Variants in KIAA1614 observed in about 807,000 individuals in gnomAD.
The protein encoded by KIAA1614 is KIAA1614.
KIAA1614 carries 76 observed loss-of-function variants against 88.7 expected under a neutral mutation model. That is an observed-to-expected ratio of 0.86 (90% CI 0.71 to 1.04). The LOEUF is 1.04. KIAA1614 is among the 50% of genes least tolerant of loss of function. The pLI is 0.00. For missense variants in KIAA1614, 1,553 were observed against 1,582.5 expected (o/e 0.98, Z 0.32); for synonymous variants, 714 against 675.5 (o/e 1.06, Z -0.88).
In KIAA1614 at chr1:180,919,912, G is replaced by A. The variant is rs1426536335; in HGVS notation, c.1061+1998G>A. Among the ~76,000 whole-genome samples the A allele has an allele frequency of 2.6e-5, 4 of 152,308 alleles. No homozygotes were observed. The East Asian group carries it at 7.7e-4, about 29-fold the overall frequency. On this transcript the variant is annotated intron_variant, in intron 3 of 8. Transcript: ENST00000367588. The stretch of plus-strand genomic sequence containing the variant: ...CGTACCTGTGTACTGTATGGTGTGT[G>A]CCTGGGTGTGTGGAGAGAGAGAGAA...
intron 4 of KIAA1614, among the ~76,000 whole-genome samples, chr1:180,930,339 A>T (rs192368565): frequency 1.1e-3 from 161 of 152,212 alleles, no homozygotes; most frequent in African/African-American, 3.7e-3. Flanking sequence ...GAATCACTTG[A>T]ACCCGGGAGG....
In KIAA1614 at chr1:180,941,051, A is replaced by C; in HGVS notation, c.2925A>C (p.Ser975=). ...GSGGHVLSRA[S]AGAGTGPGSP... is the part of the protein sequence containing the mutation. Reference sequence around the variant, plus strand: ...CTCCACCCTTGTGTTTCAGAGCATCAGCAGGAGCTGGCACAGGACCCGGCT... The same window carrying C: ...CTCCACCCTTGTGTTTCAGAGCATCCGCAGGAGCTGGCACAGGACCCGGCT... Residue 975 remains serine (S), a synonymous_variant, in exon 7 of 9, where the codon TCA becomes TCC. Coordinates refer to ENST00000367588, the MANE Select transcript of KIAA1614 (RefSeq NM_020950.2). 1 of 1,532,750 alleles carries C rather than the reference A, an allele frequency of 6.5e-7. No individual in the cohort carries two copies. Among genetic ancestry groups the C allele is most frequent in the Non-Finnish European group, 8.8e-7 (1 of 1,138,870 alleles). 94.9% of individuals were successfully genotyped at this position (1,532,750 alleles called of 1,614,324 possible).
At chr1:180,936,764 GTCATTCCCTTTT>G in intron 5 of KIAA1614, 94 bp downstream of exon 5, 2 of 800,682 alleles carry the variant, frequency 2.5e-6, no homozygotes, top group Non-Finnish European at 1.9e-6. Context: ...GGCCTTCAGA[GTCATTCCCTTTT>G]ATCTCAATAG....
At position 180,935,288 on chromosome 1, in the gene KIAA1614, C is replaced by A; in HGVS notation, c.1379C>A (p.Ala460Asp). The change falls in exon 5 of 9, where the codon GCC (alanine) becomes GAC (aspartate). Residue 460 changes from alanine to aspartate, a missense_variant. By Grantham distance (126) the Ala-to-Asp change is moderately radical. Transcript: ENST00000367588. The surrounding 1 kb of genome is among the most constrained non-coding windows in gnomAD (Gnocchi z 6.1). The stretch of plus-strand genomic sequence containing the variant: ...TTTGAGGATGAGTCCGCCCGCGAAG[C>A]CGAGTTCCGTCACCTGGAGCGGCTG... ...VRFEDESARE[A>D]EFRHLERLQQ... is the part of the protein sequence containing the mutation. 6.7e-7 allele frequency: 1 copy of A among 1,501,488 alleles called. No individual in the cohort carries two copies. The highest frequency in any genetic ancestry group is 8.9e-7 in the Non-Finnish European group (1 of 1,129,198). 93.0% of individuals were successfully genotyped at this position (1,501,488 alleles called of 1,614,324 possible). A position where few individuals can be genotyped will look rare whatever the true frequency, so the allele number is the denominator to read the frequency against.
At chr1:180,939,780 T>C (rs1654414171) in intron 6 of KIAA1614, among the ~76,000 whole-genome samples, 1 of 152,210 alleles carries the variant, frequency 6.6e-6, no homozygotes, top group African/African-American at 2.4e-5. Context: ...CTGTGGTTGG[T>C]CCTGCTTTGT....
Position 180,945,423 on chromosome 1 carries a change from G to A in KIAA1614, c.3408G>A (p.Leu1136=), listed in dbSNP as rs775533774. Residue 1136 remains leucine (L), a synonymous_variant, in exon 9 of 9, where the codon CTG becomes CTA. Transcript: ENST00000367588. The part of the protein sequence containing the change: ...VFPDGTSQLQ[L]QRSPGGTFGF... ...CAGACGGCACCAGCCAGCTGCAGCT[G>A]CAGCGCTCCCCAGGGGGCACTTTCG... The A allele has an allele frequency of 6.2e-7, 1 of 1,607,846 alleles. No homozygotes were observed. Among genetic ancestry groups the A allele is most frequent in the Admixed American group, 1.7e-5 (1 of 58,140 alleles).
At position 180,927,363 on chromosome 1, in the gene KIAA1614, C is replaced by T. The variant is rs561950114; in HGVS notation, c.1062-1067C>T. Reference sequence around the variant, plus strand: ...CCCAGCCACAAACATCCTCTGCCTGCCCTGAGACCCAAGGCAGGAGAGGAC... The same window carrying T: ...CCCAGCCACAAACATCCTCTGCCTGTCCTGAGACCCAAGGCAGGAGAGGAC... On this transcript the variant is annotated intron_variant, in intron 3 of 8. Transcript: ENST00000367588. Among the ~76,000 whole-genome samples, 18 of 152,346 alleles carry T rather than the reference C, an allele frequency of 1.2e-4. No individual in the cohort carries two copies. The South Asian group carries it at 3.7e-3, about 32-fold the overall frequency.
chr1:180,919,423 T>C (rs576564161), intron 3 of KIAA1614, among the ~76,000 whole-genome samples: 1 of 152,308 alleles, frequency 6.6e-6, no homozygotes, highest in East Asian at 1.9e-4. Flanking sequence ...CAGAAAGGCC[T>C]GTGGGCCTCA....
Position 180,913,065 on chromosome 1 carries a change from G to T in KIAA1614, c.-179G>T, listed in dbSNP as rs1018101091. 23 of 353,290 alleles carry T rather than the reference G, an allele frequency of 6.5e-5. No homozygotes were observed. In the East Asian group the frequency reaches 7.2e-4, roughly 11 times the overall value. 21.9% of individuals were successfully genotyped at this position (353,290 alleles called of 1,614,324 possible). A position where few individuals can be genotyped will look rare whatever the true frequency, so the allele number is the denominator to read the frequency against. ...CCGGGGCCCGGGGGCTGCCAGCAGAGCCGGGAGCTGGCCCGGCCTCGGCGC... is the reference window on the plus strand; with the variant it reads ...CCGGGGCCCGGGGGCTGCCAGCAGATCCGGGAGCTGGCCCGGCCTCGGCGC... On this transcript the variant is annotated 5_prime_UTR_variant, in exon 1 of 9. Transcript: ENST00000367588.
At chr1:180,929,416 G>C (rs1207341179) in intron 4 of KIAA1614, among the ~76,000 whole-genome samples, 1 of 152,186 alleles carries the variant, frequency 6.6e-6, no homozygotes, top group Non-Finnish European at 1.5e-5. Flanking sequence ...GGCATTGGAG[G>C]GGGAGGTGGT....
rs574720627 is a variant in KIAA1614, at chr1:180,914,580, C to T, written c.50+1287C>T. 4.5e-4 allele frequency among the ~76,000 whole-genome samples: 68 copies of T among 152,030 alleles called. 1 individual carries two copies. Among genetic ancestry groups the T allele is most frequent in the Middle Eastern group, 3.4e-3 (1 of 294 alleles). On this transcript the variant is annotated intron_variant, in intron 1 of 8. Coordinates refer to ENST00000367588, the MANE Select transcript of KIAA1614 (RefSeq NM_020950.2). Reference sequence around the variant, plus strand: ...TTTTCTTTTTTTTGAGACAGAGTCTCGCTCTATCGCCCAGGCTGGAGTGCA... The same window carrying T: ...TTTTCTTTTTTTTGAGACAGAGTCTTGCTCTATCGCCCAGGCTGGAGTGCA...
At chr1:180,927,633 G>A (rs1189441280) in intron 3 of KIAA1614, among the ~76,000 whole-genome samples, 1 of 152,184 alleles carries the variant, frequency 6.6e-6, no homozygotes, top group African/African-American at 2.4e-5. Flanking sequence ...AGCGCGGGCT[G>A]TATGTCACTG....
Position 180,941,282 on chromosome 1 carries a change from C to T in KIAA1614, c.3156C>T (p.His1052=), listed in dbSNP as rs766053998. Residue 1052 remains histidine, a synonymous_variant, in exon 7 of 9, where the codon CAC becomes CAT. Transcript: ENST00000367588. ...GGGCCCCATCGTTACAATCCCTGCA[C>T]CCGGTGAGTCCAGGGGCCCCAGCCC... ...QSRAPSLQSL[H]PVSPSHQRRK... 4 of 1,606,012 alleles carry T rather than the reference C, an allele frequency of 2.5e-6. No homozygotes were observed. The East Asian group carries it at 6.7e-5, about 27-fold the overall frequency.
At position 180,917,884 on chromosome 1, in the gene KIAA1614, G is replaced by A. The variant is rs757266558; in HGVS notation, c.1031G>A (p.Gly344Asp). ...RPVGDVDWAS[G>D]TSLQDSGQNR... Reference sequence around the variant, plus strand: ...GTGGGGGATGTGGACTGGGCCTCGGGCACCTCCTTGCAGGACTCCGGCCAG... The same window carrying A: ...GTGGGGGATGTGGACTGGGCCTCGGACACCTCCTTGCAGGACTCCGGCCAG... The change falls in exon 3 of 9, where the codon GGC (glycine) becomes GAC (aspartate). Residue 344 changes from glycine (G) to aspartate (D), a missense_variant. Transcript: ENST00000367588. 3.7e-6 allele frequency: 6 copies of A among 1,613,844 alleles called. No individual in the cohort carries two copies. The highest frequency in any genetic ancestry group is 4.2e-6 in the Non-Finnish European group (5 of 1,179,992).
chr1:180,917,710 C>T, intron 2 of KIAA1614, 141 bp from the exon 3 acceptor site: 1 of 709,924 alleles, frequency 1.4e-6, no homozygotes, highest in Non-Finnish European at 2.5e-6. Flanking sequence ...GGCTCAGCCT[C>T]CAATTTTCAG....
intron 5 of KIAA1614, 82 bp from the exon 6 acceptor site, chr1:180,938,473 T>C (rs1654379635): frequency 6.8e-7 from 1 of 1,470,174 alleles, no homozygotes; most frequent in Admixed American, 1.8e-5. Context: ...ACCCTCCCCC[T>C]GTTGCTGGGA....
At chr1:180,914,913 C>T (rs546290727) in intron 1 of KIAA1614, among the ~76,000 whole-genome samples, 8 of 152,140 alleles carry the variant, frequency 5.3e-5, no homozygotes, top group African/African-American at 1.7e-4. Flanking sequence ...AGGATCCACC[C>T]GCCTCGGCCT....
Position 180,951,606 on chromosome 1 carries a change from CTT to C in KIAA1614, c.*6019_*6020del, listed in dbSNP as rs1179952302. The C allele has an allele frequency of 2.6e-5, 4 of 152,324 alleles. No individual in the cohort carries two copies. Among genetic ancestry groups the C allele is most frequent in the Non-Finnish European group, 5.9e-5 (4 of 68,134 alleles). The allele number at this position is 152,324 out of a possible 1,614,324, so 9.4% of individuals were successfully genotyped here. On this transcript the variant is annotated 3_prime_UTR_variant, in exon 9 of 9. Coordinates refer to ENST00000367588, the MANE Select transcript of KIAA1614 (RefSeq NM_020950.2). The stretch of plus-strand genomic sequence containing the variant: ...AACTTACTAAAAAGCAAAGCTAAAG[CTT>C]CTCTCACTCTGAGTTGCTAAATTCT...
chr1:180,940,448 C>T (rs1286850171), intron 6 of KIAA1614, among the ~76,000 whole-genome samples: 2 of 152,062 alleles, frequency 1.3e-5, no homozygotes, highest in African/African-American at 4.8e-5. Flanking sequence ...TTGCAGTGAG[C>T]CAAGATCATG....
Sources: gnomAD v4.1 joint callset for allele counts (sites outside exome capture counted in the v4.1 genomes callset) on GRCh38, gnomAD v4.1.1 for gene constraint, Gnocchi (gnomAD v3.1) non-coding constraint, MANE v1.5 for transcripts, NCBI Gene and HGNC (gene_info 2026-07-23, HGNC 2026-07-21) for gene names.